GARRE1: variants seen among roughly 807,000 people sequenced by gnomAD.
GARRE1 encodes granule associated Rac and RHOG effector protein 1.
Under a neutral mutation model 103.2 loss-of-function variants are expected in GARRE1, and 49 were observed. The ratio of observed to expected loss-of-function variants is 0.47; its 90% CI spans 0.38 to 0.60. The LOEUF is 0.60. GARRE1 is among the 20% of genes least tolerant of loss of function. The pLI is 0.00. For synonymous variants in GARRE1, 505 were observed against 532.8 expected, an observed-to-expected ratio of 0.95 and a Z score of 0.72; for missense variants, 1,199 against 1,370.5, an observed-to-expected ratio of 0.87 and a Z score of 1.98.
chr19:34,305,377 G>A (rs978351924), intron 2 of GARRE1, among the ~76,000 whole-genome samples: 3 of 152,164 alleles, frequency 2.0e-5, no homozygotes, highest in African/African-American at 4.8e-5. Flanking sequence ...CAATAGTTAG[G>A]AACACTTTGT....
rs190919172 is a variant in GARRE1 at position 34,312,327 on chromosome 19, T to C, written c.496-7580T>C. Among the ~76,000 whole-genome samples, 24 of 152,300 alleles carry C rather than the reference T, an allele frequency of 1.6e-4. No homozygotes were observed. In the East Asian group the frequency reaches 1.9e-3, roughly 12 times the overall value. Reference sequence around the variant, plus strand: ...AACATAAATTTTGCCATTTTAACCATTGTTAAGTGTTCAGTAGTATTAAGT... The same window carrying C: ...AACATAAATTTTGCCATTTTAACCACTGTTAAGTGTTCAGTAGTATTAAGT... On this transcript the variant is annotated intron_variant, in intron 2 of 13. Coordinates refer to ENST00000299505, the MANE Select transcript of GARRE1 (RefSeq NM_014686.5).
chr19:34,277,853 C>CA (rs912414362), intron 1 of GARRE1, among the ~76,000 whole-genome samples: 28 of 147,060 alleles, frequency 1.9e-4, no homozygotes, highest in Non-Finnish European at 2.8e-4. Flanking sequence ...ATGGAGTATT[C>CA]AAAAAAAAAC....
chr19:34,321,711 T>C (rs1262721051), intron 3 of GARRE1, among the ~76,000 whole-genome samples: 1 of 152,008 alleles, frequency 6.6e-6, no homozygotes, highest in African/African-American at 2.4e-5. Flanking sequence ...CTCCTGACCT[T>C]GTGATCCACC....
chr19:34,307,522 C>T (rs914069107), intron 2 of GARRE1, among the ~76,000 whole-genome samples: 19 of 148,564 alleles, frequency 1.3e-4, no homozygotes, highest in East Asian at 3.9e-4. Flanking sequence ...TGTATATATA[C>T]GTATTATATA....
chr19:34,318,219 T>C (rs2074068828), intron 2 of GARRE1, among the ~76,000 whole-genome samples: 1 of 152,172 alleles, frequency 6.6e-6, no homozygotes, highest in Non-Finnish European at 1.5e-5. Context: ...TCTTGGGAAC[T>C]GAGAGGGCGT....
chr19:34,317,045 G>A (rs1250582999), intron 2 of GARRE1, among the ~76,000 whole-genome samples: 2 of 152,218 alleles, frequency 1.3e-5, no homozygotes, highest in African/African-American at 4.8e-5. Flanking sequence ...TCCTGTTCTT[G>A]ATCTGGGGGC....
chr19:34,319,414 A>G (rs898972005), intron 2 of GARRE1, among the ~76,000 whole-genome samples: 1 of 152,218 alleles, frequency 6.6e-6, no homozygotes, highest in African/African-American at 2.4e-5. Flanking sequence ...GTTAATAACT[A>G]TGTTAACACT....
chr19:34,256,507 G>T (rs1486441643), intron 1 of GARRE1, among the ~76,000 whole-genome samples: 1 of 148,508 alleles, frequency 6.7e-6, no homozygotes, highest in African/African-American at 2.5e-5. Flanking sequence ...GCAACAGAGT[G>T]AGACTCCATC....
chr19:34,311,926 A>C (rs2074038677), intron 2 of GARRE1, among the ~76,000 whole-genome samples: 1 of 151,994 alleles, frequency 6.6e-6, no homozygotes, highest in African/African-American at 2.4e-5. Flanking sequence ...GTTCTTATTT[A>C]AGCCACTGTA....
At chr19:34,351,668 T>A in intron 13 of GARRE1, 76 bp downstream of exon 13, 1 of 969,594 alleles carries the variant, frequency 1.0e-6, no homozygotes, top group Non-Finnish European at 1.6e-6. Flanking sequence ...CTCAAAGTAA[T>A]GAGGGATCTT....
At chr19:34,262,444 C>T (rs1446179123) in intron 1 of GARRE1, among the ~76,000 whole-genome samples, 3 of 151,348 alleles carry the variant, frequency 2.0e-5, no homozygotes, top group Non-Finnish European at 3.0e-5. Context: ...TACAGGCATG[C>T]GTCACCACGC....
intron 1 of GARRE1, among the ~76,000 whole-genome samples, chr19:34,268,546 T>C (rs1461461337): frequency 6.6e-6 from 1 of 152,198 alleles, no homozygotes; most frequent in Non-Finnish European, 1.5e-5. Flanking sequence ...AAAACAACAG[T>C]CTTAGAGTAC....
intron 11 of GARRE1, 70 bp downstream of exon 11, chr19:34,348,112 G>C (rs1276902030): frequency 7.8e-7 from 1 of 1,286,378 alleles, no homozygotes; most frequent in Non-Finnish European, 1.0e-6. Flanking sequence ...TGTGAGAAGA[G>C]AGGCTCCTTG....
At chr19:34,306,819 G>A (rs1441218753) in intron 2 of GARRE1, among the ~76,000 whole-genome samples, 1 of 152,152 alleles carries the variant, frequency 6.6e-6, no homozygotes, top group African/African-American at 2.4e-5. Context: ...TTTATTGTAT[G>A]CCTTGTTTCT....
intron 10 of GARRE1, among the ~76,000 whole-genome samples, chr19:34,344,020 G>T (rs938368810): frequency 2.0e-5 from 3 of 152,068 alleles, no homozygotes; most frequent in African/African-American, 7.2e-5. Context: ...AGCAAATGCA[G>T]CAAGACAAAA....
intron 12 of GARRE1, among the ~76,000 whole-genome samples, chr19:34,349,723 G>T (rs2074227717): frequency 6.6e-6 from 1 of 152,184 alleles, no homozygotes; most frequent in Non-Finnish European, 1.5e-5. Flanking sequence ...AGGAGTAGAG[G>T]GCACGCAGGG....
intron 1 of GARRE1, among the ~76,000 whole-genome samples, chr19:34,269,394 T>C (rs1045567946): frequency 8.5e-5 from 13 of 152,226 alleles, no homozygotes; most frequent in Middle Eastern, 3.2e-3. Context: ...TCTTTATTTT[T>C]ACTTGTGATA....
intron 3 of GARRE1, among the ~76,000 whole-genome samples, chr19:34,321,594 C>T (rs1182221321): frequency 6.6e-6 from 1 of 152,166 alleles, no homozygotes; most frequent in East Asian, 1.9e-4. Context: ...GCTGGGATTA[C>T]AGGCGCCCGC....
chr19:34,329,134 T>C (rs936016458), intron 6 of GARRE1, among the ~76,000 whole-genome samples: 2 of 152,200 alleles, frequency 1.3e-5, no homozygotes, highest in African/African-American at 2.4e-5. Flanking sequence ...TGCTCACCCA[T>C]GAGGTAGGGG....
Sources: gnomAD v4.1 joint callset for allele counts (sites outside exome capture counted in the v4.1 genomes callset) on GRCh38, gnomAD v4.1.1 for gene constraint, MANE v1.5 for transcripts, NCBI Gene and HGNC (gene_info 2026-07-23, HGNC 2026-07-21) for gene names.